Variants in PRDX6 observed in about 807,000 individuals in gnomAD.
The protein encoded by PRDX6 is peroxiredoxin-6.
Under a neutral mutation model 20.0 loss-of-function variants are expected in PRDX6, and 13 were observed. The ratio of observed to expected loss-of-function variants is 0.65; its 90% CI spans 0.42 to 1.03. PRDX6 has a LOEUF of 1.03. Among genes scored for constraint, PRDX6 ranks in the 50% least tolerant of loss-of-function variants. PRDX6 has a pLI of 0.00. For synonymous variants in PRDX6, 85 were observed against 100.8 expected, an observed-to-expected ratio of 0.84 and a Z score of 0.94; for missense variants, 203 against 276.9, an observed-to-expected ratio of 0.73 and a Z score of 1.89.
Position 173,477,511 on chromosome 1 carries a change from G to A in PRDX6, c.95+19G>A. 1 of 1,584,610 alleles carries A rather than the reference G, an allele frequency of 6.3e-7. No individual in the cohort carries two copies. Among genetic ancestry groups the A allele is most frequent in the South Asian group, 1.1e-5 (1 of 88,794 alleles). ...GAGACTCGTAAGTGGCCACCGCGTAGCCCTGTCCTGGCCTCGGTTGCGCCG... is the reference window on the plus strand; with the variant it reads ...GAGACTCGTAAGTGGCCACCGCGTAACCCTGTCCTGGCCTCGGTTGCGCCG... On this transcript the variant is annotated intron_variant, in intron 1 of 4. Transcript: ENST00000340385.
intron 4 of PRDX6, among the ~76,000 whole-genome samples, chr1:173,486,688 T>C (rs1193128985): frequency 6.6e-6 from 1 of 152,214 alleles, no homozygotes; most frequent in African/African-American, 2.4e-5. Context: ...AAAAAAATTT[T>C]ATCTAACCCT....
intron 3 of PRDX6, among the ~76,000 whole-genome samples, chr1:173,485,750 GA>G (rs1379020613): frequency 1.3e-5 from 2 of 152,158 alleles, no homozygotes; most frequent in Non-Finnish European, 2.9e-5. Context: ...ATGTCTTCCA[GA>G]ATTGAGAAAC....
intron 2 of PRDX6, among the ~76,000 whole-genome samples, chr1:173,483,119 A>G (rs770495616): frequency 1.3e-5 from 2 of 152,242 alleles, no homozygotes; most frequent in Non-Finnish European, 2.9e-5. Flanking sequence ...AGTGCACAGC[A>G]ATAATTAAAG....
chr1:173,486,519 C>A, intron 4 of PRDX6, 118 bp downstream of exon 4: 1 of 1,124,124 alleles, frequency 8.9e-7, no homozygotes, highest in Non-Finnish European at 1.2e-6. Context: ...GAGGATTTTT[C>A]CTCATGGCTG....
chr1:173,481,694 C>T, intron 2 of PRDX6: 1 of 557,230 alleles, frequency 1.8e-6, no homozygotes, highest in Non-Finnish European at 3.2e-6. Context: ...CAGCAGCATT[C>T]AACCCAGCTG....
intron 3 of PRDX6, among the ~76,000 whole-genome samples, chr1:173,485,916 C>G (rs557600461): frequency 2.0e-5 from 3 of 152,284 alleles, no homozygotes; most frequent in South Asian, 4.1e-4. Context: ...AATAAATGCA[C>G]AACTATTCAA....
At chr1:173,482,499 T>A (rs1361306876) in intron 2 of PRDX6, among the ~76,000 whole-genome samples, 3 of 152,238 alleles carry the variant, frequency 2.0e-5, no homozygotes, top group Non-Finnish European at 2.9e-5. Flanking sequence ...ATGAATTAAC[T>A]GAAGGAAATA....
chr1:173,486,317 C>T lies in PRDX6; in HGVS notation c.462C>T (p.Gly154=), dbSNP rs1553242432. 5 of 1,612,704 alleles carry T rather than the reference C, an allele frequency of 3.1e-6. No homozygotes were observed. In the South Asian group the frequency reaches 5.5e-5, roughly 18 times the overall value. The change falls in exon 4 of 5, where the codon GGC becomes GGT. Residue 154 remains glycine (G), a synonymous_variant. Coordinates refer to ENST00000340385, the MANE Select transcript of PRDX6 (RefSeq NM_004905.3). The stretch of plus-strand genomic sequence containing the variant: ...CTATCCTCTACCCAGCTACCACTGG[C>T]AGGAACTTTGATGAGATTCTCAGGG... ...KLSILYPATT[G]RNFDEILRVV... is the part of the protein sequence containing the mutation.
Position 173,477,511 on chromosome 1 carries a change from G to T in PRDX6, c.95+19G>T. The T allele has an allele frequency of 6.3e-7, 1 of 1,584,610 alleles. No homozygotes were observed. The highest frequency in any genetic ancestry group is 8.6e-7 in the Non-Finnish European group (1 of 1,162,414). On this transcript the variant is annotated intron_variant, in intron 1 of 4. Coordinates refer to ENST00000340385, the MANE Select transcript of PRDX6 (RefSeq NM_004905.3). ...GAGACTCGTAAGTGGCCACCGCGTA[G>T]CCCTGTCCTGGCCTCGGTTGCGCCG... is the stretch of plus-strand genomic sequence containing the variant.
intron 1 of PRDX6, 87 bp downstream of exon 1, chr1:173,477,579 C>T (rs558657118): frequency 1.7e-6 from 2 of 1,171,302 alleles, no homozygotes; most frequent in African/African-American, 1.6e-5. Context: ...TGCCGTCCTC[C>T]CGGCCGCTCA....
At position 173,487,902 on chromosome 1, in the gene PRDX6, C is replaced by G. The variant is rs1345241207; in HGVS notation, c.*39C>G. 1.9e-6 allele frequency: 3 copies of G among 1,608,030 alleles called. No homozygotes were observed. The African/African-American group carries it at 4.0e-5, about 22-fold the overall frequency. On this transcript the variant is annotated 3_prime_UTR_variant, in exon 5 of 5. Transcript: ENST00000340385. ...GCTGGTGCTGTGAGCCAGAGGATGT[C>G]AGCTGCCAATTGTGTTTTCCTGCAG...
rs1172987464 is a variant in PRDX6 at position 173,488,341 on chromosome 1, G to A, written c.*478G>A. ...CAGGAACTTCTAGAATAACCCAGAT[G>A]CGCTTTAATTTTTTTTAATATGTTT... On this transcript the variant is annotated 3_prime_UTR_variant, in exon 5 of 5. Transcript: ENST00000340385. 6.5e-6 allele frequency: 1 copy of A among 152,724 alleles called. No individual in the cohort carries two copies. The highest frequency in any genetic ancestry group is 1.5e-5 in the Non-Finnish European group (1 of 68,522). 9.5% of individuals were successfully genotyped at this position (152,724 alleles called of 1,614,324 possible).
rs149881146 is a variant in PRDX6 at position 173,484,210 on chromosome 1, G to A, written c.253-1151G>A. Among the ~76,000 whole-genome samples, 1,162 of 135,216 alleles carry A rather than the reference G, an allele frequency of 8.6e-3. 17 individuals are homozygous for A. Among genetic ancestry groups the A allele is most frequent in the African/African-American group, 0.031 (1,067 of 34,868 alleles). 88.7% of individuals were successfully genotyped at this position (135,216 alleles called of 152,430 possible). A position where few individuals can be genotyped will look rare whatever the true frequency, so the allele number is the denominator to read the frequency against. On this transcript the variant is annotated intron_variant, in intron 2 of 4. Coordinates refer to ENST00000340385, the MANE Select transcript of PRDX6 (RefSeq NM_004905.3). The stretch of plus-strand genomic sequence containing the variant: ...CACACACATACATATATATACATAT[G>A]CACACGTATATAATATATATACACA...
Position 173,481,411 on chromosome 1 carries a change from T to C in PRDX6, c.181T>C (p.Phe61Leu). Residue 61 changes from phenylalanine (F) to leucine (L), a missense_variant, in exon 2 of 5, where the codon TTT (phenylalanine) becomes CTT (leucine). Transcript: ENST00000340385. ...CAGAGCTGCAAAGCTGGCACCAGAA[T>C]TTGCCAAGAGGAATGTTAAGTTGAT... ...LGRAAKLAPE[F>L]AKRNVKLIAL... 6.2e-7 allele frequency: 1 copy of C among 1,614,018 alleles called. No homozygotes were observed. Among genetic ancestry groups the C allele is most frequent in the Non-Finnish European group, 8.5e-7 (1 of 1,179,870 alleles).
intron 1 of PRDX6, among the ~76,000 whole-genome samples, chr1:173,478,366 T>C (rs1658741596): frequency 6.6e-6 from 1 of 152,196 alleles, no homozygotes; most frequent in Non-Finnish European, 1.5e-5. Context: ...TGAGACTCTC[T>C]TGTTTTCCAG....
chr1:173,488,027 T>C lies in PRDX6; in HGVS notation c.*164T>C. The C allele has an allele frequency of 1.4e-6, 1 of 727,062 alleles. No individual in the cohort carries two copies. The highest frequency in any genetic ancestry group is 1.8e-5 in the African/African-American group (1 of 55,914). 45.0% of individuals were successfully genotyped at this position (727,062 alleles called of 1,614,324 possible). ...AAATGGCACTAAAAGTTTCTTGAGA[T>C]TCTTTATACTCTCTGCCTTCAGCAA... On this transcript the variant is annotated 3_prime_UTR_variant, in exon 5 of 5. Coordinates refer to ENST00000340385, the MANE Select transcript of PRDX6 (RefSeq NM_004905.3).
At chr1:173,485,268 T>A (rs530346792) in intron 2 of PRDX6, 93 bp from the exon 3 acceptor site, 14 of 1,274,468 alleles carry the variant, frequency 1.1e-5, no homozygotes, top group Admixed American at 2.6e-5. Flanking sequence ...TTTGGTCCTC[T>A]TTCCTGTCTT....
At chr1:173,479,661 CT>C (rs1658769758) in intron 1 of PRDX6, among the ~76,000 whole-genome samples, 1 of 152,108 alleles carries the variant, frequency 6.6e-6, no homozygotes, top group African/African-American at 2.4e-5. Context: ...AGGAGGAAAC[CT>C]TTTGTCTTTT....
intron 1 of PRDX6, among the ~76,000 whole-genome samples, chr1:173,480,446 A>G (rs1658782410): frequency 6.6e-6 from 1 of 152,196 alleles, no homozygotes. Context: ...TTTTCAGTTG[A>G]AAGAGTAGTT....
Sources: allele counts gnomAD v4.1 joint callset (sites outside exome capture counted in the v4.1 genomes callset), GRCh38; gene constraint gnomAD v4.1.1; transcripts MANE v1.5; gene names NCBI Gene and HGNC (gene_info 2026-07-23, HGNC 2026-07-21).